ZBTB8A: variants seen among roughly 807,000 people sequenced by gnomAD.
ZBTB8A encodes zinc finger and BTB domain containing 8A, also known as zinc finger and BTB domain-containing protein 8A.
ZBTB8A carries 19 observed loss-of-function variants against 37.8 expected under a neutral mutation model. The observed-to-expected ratio is 0.50, with a 90% CI of 0.35 to 0.74. The LOEUF is 0.74. ZBTB8A is among the 30% of genes least tolerant of loss of function. The pLI is 0.01. For missense variants in ZBTB8A, 394 were observed against 537.8 expected (o/e 0.73, Z 2.65); for synonymous variants, 181 against 185.2 (o/e 0.98, Z 0.19).
chr1:32,543,986 T>C (rs72652145), intron 1 of ZBTB8A, among the ~76,000 whole-genome samples: 10,959 of 152,248 alleles, frequency 0.072, 390 homozygotes, highest in African/African-American at 0.099. Flanking sequence ...TTGTTTGTTT[T>C]TTAGAGACAG....
intron 2 of ZBTB8A, among the ~76,000 whole-genome samples, chr1:32,568,646 A>G (rs2148230560): frequency 6.6e-6 from 1 of 152,226 alleles, no homozygotes; most frequent in East Asian, 1.9e-4. Flanking sequence ...TCGGCCTCCC[A>G]AAGTGCTGGG....
At chr1:32,544,053 T>C (rs1171462567) in intron 1 of ZBTB8A, among the ~76,000 whole-genome samples, 1 of 152,192 alleles carries the variant, frequency 6.6e-6, no homozygotes, top group African/African-American at 2.4e-5. Context: ...CACTACATCC[T>C]TGACCTCCTG....
chr1:32,560,808 T>G (rs907492802), intron 2 of ZBTB8A, among the ~76,000 whole-genome samples: 1 of 151,898 alleles, frequency 6.6e-6, no homozygotes, highest in Non-Finnish European at 1.5e-5. Flanking sequence ...CTATTTTTAG[T>G]AGAGACAGGG....
intron 1 of ZBTB8A, among the ~76,000 whole-genome samples, chr1:32,551,005 C>T (rs374076551): frequency 1.3e-5 from 2 of 150,896 alleles, no homozygotes; most frequent in African/African-American, 2.4e-5. Context: ...ACACCCAGTA[C>T]GCTGGACAGT....
At position 32,573,635 on chromosome 1, in the gene ZBTB8A, T is replaced by C. The variant is rs192182732; in HGVS notation, c.-1-19296T>C. Among the ~76,000 whole-genome samples, 292 of 148,316 alleles carry C rather than the reference T, an allele frequency of 2.0e-3. 3 individuals carry two copies. The East Asian group carries it at 0.033, about 17-fold the overall frequency. The stretch of plus-strand genomic sequence containing the variant: ...TTTTTGTAGAGACAGGGTTTCACTA[T>C]GTTGCCCAGGCTGGTCTCGAACTCC... On this transcript the variant is annotated intron_variant, in intron 2 of 4. Transcript: ENST00000373510.
Position 32,593,031 on chromosome 1 carries a change from G to A in ZBTB8A, c.100G>A (p.Val34Ile). ...CTGCAGTATTCTAGTTGAAGGGAAG[G>A]TCTTCAAAGCACATCGAAATGTATT... ...CDCSILVEGKVFKAHRNVLFA... is the reference protein window; with the variant it reads ...CDCSILVEGKIFKAHRNVLFA... The change falls in exon 3 of 5, where the codon GTC (valine) becomes ATC (isoleucine). Residue 34 changes from valine (V) to isoleucine (I), a missense_variant. Val to Ile is a conservative substitution (Grantham distance 29). Coordinates refer to ENST00000373510, the MANE Select transcript of ZBTB8A (RefSeq NM_001040441.3). 6.2e-7 allele frequency: 1 copy of A among 1,614,144 alleles called. No homozygotes were observed. The highest frequency in any genetic ancestry group is 1.3e-5 in the African/African-American group (1 of 75,048).
rs1644471413 is a variant in ZBTB8A at position 32,589,343 on chromosome 1, C to G, written c.-1-3588C>G. 1.3e-5 allele frequency among the ~76,000 whole-genome samples: 2 copies of G among 148,588 alleles called. 1 individual carries two copies. Among genetic ancestry groups the G allele is most frequent in the Admixed American group, 1.3e-4 (2 of 14,944 alleles). ...TCGGCTCACTGCAACTTCTGCCTCC[C>G]AGGTTCAAGCGATTCTCCTGCCTCA... On this transcript the variant is annotated intron_variant, in intron 2 of 4. Coordinates refer to ENST00000373510, the MANE Select transcript of ZBTB8A (RefSeq NM_001040441.3).
chr1:32,547,292 G>T (rs1644113051), intron 1 of ZBTB8A, among the ~76,000 whole-genome samples: 1 of 151,136 alleles, frequency 6.6e-6, no homozygotes, highest in Non-Finnish European at 1.5e-5. Context: ...TTTTATCCAT[G>T]ACTTTTTAAA....
chr1:32,567,845 A>AAAAC (rs1557707753), intron 2 of ZBTB8A, among the ~76,000 whole-genome samples: 3 of 83,890 alleles, frequency 3.6e-5, no homozygotes, highest in Non-Finnish European at 7.5e-5. Context: ...CAAAACAAAA[A>AAAAC]AAAGATATAA....
intron 4 of ZBTB8A, 82 bp from the exon 5 acceptor site, chr1:32,600,005 A>T: frequency 9.0e-7 from 1 of 1,114,118 alleles, no homozygotes; most frequent in Non-Finnish European, 1.3e-6. Flanking sequence ...TGAACATCTT[A>T]AGTTTATGAA....
At chr1:32,552,931 G>T (rs1644168820) in intron 1 of ZBTB8A, among the ~76,000 whole-genome samples, 1 of 147,482 alleles carries the variant, frequency 6.8e-6, no homozygotes, top group African/African-American at 2.5e-5. Flanking sequence ...TTACATATTT[G>T]TTCTATATTA....
chr1:32,580,196 AT>A (rs1322330737), intron 2 of ZBTB8A, among the ~76,000 whole-genome samples: 1 of 152,138 alleles, frequency 6.6e-6, no homozygotes, highest in Non-Finnish European at 1.5e-5. Flanking sequence ...GCACCACTGC[AT>A]TCTAGCTTGG....
chr1:32,540,184 T>G (rs1387551782), intron 1 of ZBTB8A, among the ~76,000 whole-genome samples: 1 of 152,116 alleles, frequency 6.6e-6, no homozygotes, highest in Non-Finnish European at 1.5e-5. Context: ...GGACGGAACC[T>G]TACATGCTCA....
intron 2 of ZBTB8A, among the ~76,000 whole-genome samples, chr1:32,575,346 C>T (rs1644352118): frequency 6.6e-6 from 1 of 150,694 alleles, no homozygotes. Context: ...CCTGCTCCAG[C>T]CTCCTGAGTA....
At chr1:32,576,958 C>T (rs769293160) in intron 2 of ZBTB8A, among the ~76,000 whole-genome samples, 2 of 151,242 alleles carry the variant, frequency 1.3e-5, no homozygotes, top group Non-Finnish European at 2.9e-5. Flanking sequence ...CTGCAACCTC[C>T]GCCTTCCAGG....
In ZBTB8A at chr1:32,585,526, A is replaced by G. The variant is rs187345359; in HGVS notation, c.-1-7405A>G. ...ATGTAAGATCTTAACAGAGCAAATA[A>G]CATTGAAGAGTAGGAAAGACCTGAA... On this transcript the variant is annotated intron_variant, in intron 2 of 4. Transcript: ENST00000373510. Among the ~76,000 whole-genome samples, 68 of 152,268 alleles carry G rather than the reference A, an allele frequency of 4.5e-4. 2 individuals carry two copies. Among genetic ancestry groups the G allele is most frequent in the African/African-American group, 1.4e-3 (58 of 41,520 alleles).
At position 32,604,531 on chromosome 1, in the gene ZBTB8A, T is replaced by C. The variant is rs1352987834; in HGVS notation, c.*4112T>C. 1.3e-5 allele frequency: 2 copies of C among 152,186 alleles called. No individual in the cohort carries two copies. Among genetic ancestry groups the C allele is most frequent in the African/African-American group, 4.8e-5 (2 of 41,452 alleles). The allele number at this position is 152,186 out of a possible 1,614,324, so 9.4% of individuals were successfully genotyped here. A position where few individuals can be genotyped will look rare whatever the true frequency, so the allele number is the denominator to read the frequency against. On this transcript the variant is annotated 3_prime_UTR_variant, in exon 5 of 5. Coordinates refer to ENST00000373510, the MANE Select transcript of ZBTB8A (RefSeq NM_001040441.3). ...CCATATGGTCTCTTAGTGAAGCAAA[T>C]CACATCCTTAGCACATGATGTTCCT...
Position 32,570,898 on chromosome 1 carries a change from CTG to C in ZBTB8A, c.-2+17359_-2+17360del, listed in dbSNP as rs1457522531. On this transcript the variant is annotated intron_variant, in intron 2 of 4. Coordinates refer to ENST00000373510, the MANE Select transcript of ZBTB8A (RefSeq NM_001040441.3). ...GTTATTTCTTTTTTTTTTTTTAAGACTGAGTCTCGCTCTGTCACCCAGGCTGG... is the reference window on the plus strand; with the variant it reads ...GTTATTTCTTTTTTTTTTTTTAAGACAGTCTCGCTCTGTCACCCAGGCTGG... Among the ~76,000 whole-genome samples, 6 of 149,672 alleles carry C rather than the reference CTG, an allele frequency of 4.0e-5. No homozygotes were observed. The East Asian group carries it at 9.8e-4, about 24-fold the overall frequency.
intron 2 of ZBTB8A, among the ~76,000 whole-genome samples, chr1:32,571,869 G>T (rs1351127192): frequency 1.3e-5 from 2 of 151,970 alleles, no homozygotes; most frequent in East Asian, 1.9e-4. Context: ...GAACCACTGC[G>T]CCCGGCCACA....
Sources: allele counts gnomAD v4.1 joint callset (sites outside exome capture counted in the v4.1 genomes callset), GRCh38; gene constraint gnomAD v4.1.1; transcripts MANE v1.5; gene names NCBI Gene and HGNC (gene_info 2026-07-23, HGNC 2026-07-21).